Variants in PTPRG observed in about 807,000 individuals in gnomAD.
The protein encoded by PTPRG is protein tyrosine phosphatase receptor type G, also known as receptor-type tyrosine-protein phosphatase gamma.
A neutral mutation model predicts 165.3 loss-of-function variants in PTPRG; 102 were observed. The observed-to-expected ratio is 0.62, with a 90% CI of 0.53 to 0.73. PTPRG has a LOEUF of 0.73. Ranked by LOEUF, PTPRG falls within the 30% of genes least tolerant of loss-of-function variation. PTPRG has a pLI of 0.00. For synonymous variants in PTPRG, 675 were observed against 669.5 expected (o/e 1.01, Z -0.13); for missense variants, 1,866 against 1,861.4 (o/e 1.00, Z -0.05).
chr3:61,612,575 T>G (rs1460962068), intron 1 of PTPRG, among the ~76,000 whole-genome samples: 2 of 152,246 alleles, frequency 1.3e-5, no homozygotes, highest in Non-Finnish European at 2.9e-5. Flanking sequence ...ACTTCTCCAC[T>G]GCTTTTGAAA....
At chr3:61,629,423 A>C (rs564487121) in intron 1 of PTPRG, among the ~76,000 whole-genome samples, 2 of 152,244 alleles carry the variant, frequency 1.3e-5, no homozygotes, top group Non-Finnish European at 2.9e-5. Flanking sequence ...TAAAGTGCCG[A>C]GATTACAGGT....
In PTPRG at chr3:62,047,246, A is replaced by ATTATTTATTTATTTATTTAT. The variant is rs10523312; in HGVS notation, c.520-30910_520-30891dup. Among the ~76,000 whole-genome samples the ATTATTTATTTATTTATTTAT allele has an allele frequency of 6.0e-3, 380 of 63,032 alleles. 2 individuals are homozygous for ATTATTTATTTATTTATTTAT. Among genetic ancestry groups the ATTATTTATTTATTTATTTAT allele is most frequent in the Middle Eastern group, 0.019 (2 of 108 alleles). The allele number at this position is 63,032 out of a possible 152,430, so 41.4% of individuals were successfully genotyped here. ...CTTTGTTTCACTTGCTGAGCTTCCT[A>ATTATTTATTTATTTATTTAT]TTATTTATTTATTTATTTATTTATT... is the stretch of plus-strand genomic sequence containing the variant. On this transcript the variant is annotated intron_variant, in intron 4 of 29. Transcript: ENST00000474889.
rs1188092072 is a variant in PTPRG at position 62,219,526 on chromosome 3, C to A, written c.2288+543C>A. On this transcript the variant is annotated intron_variant, in intron 13 of 29. Transcript: ENST00000474889. This position sits in a 1 kb window ranked among gnomAD's most constrained non-coding sequence, Gnocchi z 4.5. ...AGATTGTAAGCTATCCGGATTCTCA[C>A]TGCTTCTCATGGGAAGCCAGGTTGC... 6.6e-6 allele frequency among the ~76,000 whole-genome samples: 1 copy of A among 152,214 alleles called. No individual in the cohort carries two copies. The highest frequency in any genetic ancestry group is 2.4e-5 in the African/African-American group (1 of 41,462).
chr3:62,123,771 G>T (rs905334179), intron 5 of PTPRG, among the ~76,000 whole-genome samples: 1 of 151,934 alleles, frequency 6.6e-6, no homozygotes, highest in Admixed American at 6.6e-5. Flanking sequence ...TATATACACG[G>T]CATTCAGTAG....
intron 6 of PTPRG, among the ~76,000 whole-genome samples, chr3:62,146,694 A>G (rs931080445): frequency 1.4e-4 from 22 of 151,972 alleles, no homozygotes; most frequent in African/African-American, 4.4e-4. Flanking sequence ...ATTTCTCTGT[A>G]AGGTGACTGA....
rs1701862632 is a variant in PTPRG at position 62,266,002 on chromosome 3, A to C, written c.2657-1408A>C. Among the ~76,000 whole-genome samples the C allele has an allele frequency of 4.0e-5, 6 of 151,870 alleles. No individual in the cohort carries two copies. In the South Asian group the frequency reaches 1.2e-3, roughly 32 times the overall value. On this transcript the variant is annotated intron_variant, in intron 17 of 29. Coordinates refer to ENST00000474889, the MANE Select transcript of PTPRG (RefSeq NM_002841.4). ...ACTGCCTTGCTAAAAGTATTGTGGC[A>C]AAAAAAGGAGGAGAAAATCAAAGCA...
chr3:61,925,375 G>A (rs143872146), intron 2 of PTPRG, among the ~76,000 whole-genome samples: 95 of 152,302 alleles, frequency 6.2e-4, no homozygotes, highest in African/African-American at 2.1e-3. Flanking sequence ...ACATTGCAGA[G>A]TCCAAAGCAG....
At chr3:61,699,369 T>A (rs573834756) in intron 1 of PTPRG, among the ~76,000 whole-genome samples, 14 of 152,256 alleles carry the variant, frequency 9.2e-5, no homozygotes, top group Non-Finnish European at 1.5e-4. Flanking sequence ...GCATTCAATC[T>A]GTTGTGATAT....
intron 2 of PTPRG, among the ~76,000 whole-genome samples, chr3:61,761,106 G>A (rs1451463209): frequency 6.6e-6 from 1 of 152,170 alleles, no homozygotes; most frequent in Non-Finnish European, 1.5e-5. Flanking sequence ...ATTCCTTTGG[G>A]TGTATACCCA....
chr3:61,841,315 A>G (rs1291596662), intron 2 of PTPRG, among the ~76,000 whole-genome samples: 1 of 152,186 alleles, frequency 6.6e-6, no homozygotes. Context: ...CCATCAGTTA[A>G]AGCGAGGCGG....
At chr3:61,887,726 A>AAAAAAGGCTGATGGT (rs2038091705) in intron 2 of PTPRG, among the ~76,000 whole-genome samples, 1 of 152,188 alleles carries the variant, frequency 6.6e-6, no homozygotes, top group African/African-American at 2.4e-5. Context: ...AGTTAAAAAA[A>AAAAAAGGCTGATGGT]AAAAAAGGCT....
chr3:61,965,734 A>G (rs759873746), intron 2 of PTPRG, among the ~76,000 whole-genome samples: 3 of 152,216 alleles, frequency 2.0e-5, no homozygotes, highest in African/African-American at 7.2e-5. Context: ...GACACTAAGC[A>G]TTTCACCTCA....
intron 8 of PTPRG, among the ~76,000 whole-genome samples, chr3:62,171,202 G>T (rs1289163101): frequency 6.6e-6 from 1 of 152,090 alleles, no homozygotes; most frequent in Admixed American, 6.6e-5. Context: ...TCAAGTCTGG[G>T]TGATTACGAA....
intron 2 of PTPRG, among the ~76,000 whole-genome samples, chr3:61,772,827 T>A (rs565759513): frequency 6.6e-6 from 1 of 152,184 alleles, no homozygotes; most frequent in Non-Finnish European, 1.5e-5. Flanking sequence ...GTAGGAGAGA[T>A]GGTCAAAAAT....
At chr3:62,281,538 C>CTTTTGTTTTTTTTTTTTTTTTTTTTTTT (rs1702441378) in intron 26 of PTPRG, 25 bp from the exon 27 acceptor site, 1 of 497,854 alleles carries the variant, frequency 2.0e-6, no homozygotes, top group Non-Finnish European at 2.6e-6. Flanking sequence ...ACTGCAGAGG[C>CTTTTGTTTTTTTTTTTTTTTTTTTTTTT]TTTTTTTTTT....
At chr3:62,160,864 A>AT (rs5849464) in intron 7 of PTPRG, among the ~76,000 whole-genome samples, 49,442 of 103,072 alleles carry the variant, frequency 0.48, 13,412 homozygotes, top group Admixed American at 0.55. Flanking sequence ...TAGATGTGTG[A>AT]TTTTTTTTTT....
At chr3:62,239,233 G>A (rs1160040176) in intron 14 of PTPRG, among the ~76,000 whole-genome samples, 1 of 152,136 alleles carries the variant, frequency 6.6e-6, no homozygotes, top group Admixed American at 6.6e-5. Flanking sequence ...CATTCAGGGA[G>A]GGTCTGTAAG....
rs572524605 is a variant in PTPRG, at chr3:62,233,287, G to A, written c.2375+1976G>A. Among the ~76,000 whole-genome samples, 23 of 152,284 alleles carry A rather than the reference G, an allele frequency of 1.5e-4. No individual in the cohort carries two copies. Among genetic ancestry groups the A allele is most frequent in the African/African-American group, 5.3e-4 (22 of 41,554 alleles). On this transcript the variant is annotated intron_variant, in intron 14 of 29. Transcript: ENST00000474889. This position sits in a 1 kb window ranked among gnomAD's most constrained non-coding sequence, Gnocchi z 4.7. ...CCTGTCCTCAAGGGGCGCCATGTCTGTGCTTCTTACGCTAGCCGCCCTGCT... is the reference window on the plus strand; with the variant it reads ...CCTGTCCTCAAGGGGCGCCATGTCTATGCTTCTTACGCTAGCCGCCCTGCT...
chr3:61,879,036 A>G (rs1174970775), intron 2 of PTPRG, among the ~76,000 whole-genome samples: 4 of 152,234 alleles, frequency 2.6e-5, no homozygotes, highest in Admixed American at 2.0e-4. Flanking sequence ...CTGAAAAGTA[A>G]TGATTATTAA....
Sources: allele counts gnomAD v4.1 joint callset (sites outside exome capture counted in the v4.1 genomes callset), GRCh38; gene constraint gnomAD v4.1.1; non-coding constraint Gnocchi (gnomAD v3.1); transcripts MANE v1.5; gene names NCBI Gene and HGNC (gene_info 2026-07-23, HGNC 2026-07-21).